Variants in CCDC102B observed in about 807,000 individuals in gnomAD.
CCDC102B encodes the protein coiled-coil domain containing 102B.
Under a neutral mutation model 57.4 loss-of-function variants are expected in CCDC102B, and 75 were observed. The observed-to-expected ratio is 1.31, with a 90% confidence interval of 1.08 to 1.58. CCDC102B has a LOEUF of 1.58. CCDC102B is among the 40% of genes most tolerant of loss of function. The probability of loss-of-function intolerance (pLI) is 0.00; values close to 1 mark genes in which losing one functional copy is unlikely to be tolerated. For synonymous variants in CCDC102B, 206 were observed against 201.9 expected, an observed-to-expected ratio of 1.02 and a Z score of -0.17; for missense variants, 636 against 582.6, an observed-to-expected ratio of 1.09 and a Z score of -0.94.
chr18:68,936,263 G>T (rs1350806105), intron 6 of CCDC102B, among the ~76,000 whole-genome samples: 1 of 151,786 alleles, frequency 6.6e-6, no homozygotes, highest in Non-Finnish European at 1.5e-5. Flanking sequence ...GTTGTATAGC[G>T]GTTATTCAGC....
chr18:69,053,508 T>A (rs2145504562), intron 7 of CCDC102B, among the ~76,000 whole-genome samples: 1 of 151,786 alleles, frequency 6.6e-6, no homozygotes, highest in African/African-American at 2.4e-5. Context: ...ATTTCAGAGA[T>A]CATTTTGAGG....
At chr18:68,795,126 G>A (rs982410143), upstream of CCDC102B, among the ~76,000 whole-genome samples, 14 of 152,046 alleles carry the variant, frequency 9.2e-5, no homozygotes, top group East Asian at 1.9e-4. Context: ...ATGTAAAGAC[G>A]GGTTATTAAA....
rs201377204 is a variant in CCDC102B at position 68,918,998 on chromosome 18, CA to C, written c.1263+21571del. Among the ~76,000 whole-genome samples, 1,179 of 152,126 alleles carry C rather than the reference CA, an allele frequency of 7.8e-3. 3 individuals are homozygous for C. The highest frequency in any genetic ancestry group is 0.017 in the Middle Eastern group (5 of 294). On this transcript the variant is annotated intron_variant, in intron 6 of 7. Coordinates refer to ENST00000360242, the MANE Select transcript of CCDC102B (RefSeq NM_024781.3). The stretch of plus-strand genomic sequence containing the variant: ...GGAAAGAAGGGAATATACATTATCA[CA>C]TCTATGTGCACATGTGTTAAGACTA...
intron 7 of CCDC102B, among the ~76,000 whole-genome samples, chr18:69,018,643 G>GT (rs1271269716): frequency 6.6e-6 from 1 of 152,072 alleles, no homozygotes; most frequent in Non-Finnish European, 1.5e-5. Flanking sequence ...CTATTGAGCT[G>GT]TATGAATTTT....
At chr18:68,827,476 T>C (rs1333985489) in intron 1 of CCDC102B, among the ~76,000 whole-genome samples, 1 of 151,906 alleles carries the variant, frequency 6.6e-6, no homozygotes, top group Non-Finnish European at 1.5e-5. Context: ...TTAATAAGTA[T>C]GAAAACTGTA....
chr18:69,046,265 A>AT, intron 7 of CCDC102B, among the ~76,000 whole-genome samples: 1 of 152,204 alleles, frequency 6.6e-6, no homozygotes, highest in African/African-American at 2.4e-5. Flanking sequence ...AGCATCTATT[A>AT]TTTTTTGACT....
chr18:68,965,871 A>G (rs1380363739), intron 6 of CCDC102B, among the ~76,000 whole-genome samples: 1 of 152,092 alleles, frequency 6.6e-6, no homozygotes, highest in Non-Finnish European at 1.5e-5. Flanking sequence ...CAGTGGGTGA[A>G]GGAATATACC....
At chr18:68,934,286 A>C (rs913643003) in intron 6 of CCDC102B, among the ~76,000 whole-genome samples, 3 of 151,950 alleles carry the variant, frequency 2.0e-5, no homozygotes, top group African/African-American at 7.2e-5. Flanking sequence ...TTTTTTGACT[A>C]TCAGAAAATT....
At chr18:69,026,104 G>A (rs767423692) in intron 7 of CCDC102B, among the ~76,000 whole-genome samples, 49 of 152,230 alleles carry the variant, frequency 3.2e-4, no homozygotes, top group Non-Finnish European at 6.0e-4. Context: ...TTCTGCGGGG[G>A]AGAACGTGTG....
chr18:68,911,702 A>T (rs1298875787), intron 6 of CCDC102B, among the ~76,000 whole-genome samples: 1 of 128,120 alleles, frequency 7.8e-6, no homozygotes, highest in African/African-American at 3.2e-5. Context: ...CAGTGAGCCG[A>T]GATCGCGCCA....
chr18:69,019,059 A>G (rs2051752457), intron 7 of CCDC102B, among the ~76,000 whole-genome samples: 1 of 152,058 alleles, frequency 6.6e-6, no homozygotes, highest in Non-Finnish European at 1.5e-5. Context: ...TGATGGGTTC[A>G]TTTCTGGTTC....
chr18:68,738,110 T>G (rs1197384285), intron 2 of CCDC102B, among the ~76,000 whole-genome samples: 1 of 152,134 alleles, frequency 6.6e-6, no homozygotes, highest in Admixed American at 6.5e-5. Flanking sequence ...ACTCCCTGTA[T>G]CTACAAAGCC....
intron 6 of CCDC102B, among the ~76,000 whole-genome samples, chr18:68,969,545 A>G (rs2050249077): frequency 6.9e-6 from 1 of 145,768 alleles, no homozygotes; most frequent in East Asian, 2.0e-4. Context: ...GCAATTTGCT[A>G]TAGCAGACAT....
rs757363906 is a variant in CCDC102B, at chr18:68,897,439, T to G, written c.1263+11T>G. 1 of 1,609,394 alleles carries G rather than the reference T, an allele frequency of 6.2e-7. No homozygotes were observed. Among genetic ancestry groups the G allele is most frequent in the South Asian group, 1.1e-5 (1 of 90,706 alleles). On this transcript the variant is annotated intron_variant, in intron 6 of 7. Coordinates refer to ENST00000360242, the MANE Select transcript of CCDC102B (RefSeq NM_024781.3). Reference sequence around the variant, plus strand: ...CAAGAAAAAAACCAGGTATGGGTGCTCCTTGGAGCAAATTCTCACTGTCTA... The same window carrying G: ...CAAGAAAAAAACCAGGTATGGGTGCGCCTTGGAGCAAATTCTCACTGTCTA...
chr18:68,883,043 G>A (rs1418780357), intron 5 of CCDC102B, among the ~76,000 whole-genome samples: 1 of 152,166 alleles, frequency 6.6e-6, no homozygotes, highest in Non-Finnish European at 1.5e-5. Flanking sequence ...TAATACCTGA[G>A]TGATGAAATA....
chr18:68,970,070 G>A (rs1308514792), intron 6 of CCDC102B, among the ~76,000 whole-genome samples: 4 of 151,942 alleles, frequency 2.6e-5, no homozygotes, highest in African/African-American at 7.2e-5. Context: ...AAGAAATTTA[G>A]GTTCTTTTTA....
At chr18:68,963,803 ATATGTATG>A (rs527362804) in intron 6 of CCDC102B, among the ~76,000 whole-genome samples, 8 of 151,600 alleles carry the variant, frequency 5.3e-5, no homozygotes, top group East Asian at 3.9e-4. Flanking sequence ...ATATGTGTAT[ATATGTATG>A]TATGTATGTA....
At chr18:68,962,403 C>T (rs192474246) in intron 6 of CCDC102B, among the ~76,000 whole-genome samples, 1 of 152,142 alleles carries the variant, frequency 6.6e-6, no homozygotes, top group East Asian at 1.9e-4. Flanking sequence ...ATGTATATTT[C>T]CAGACAAATC....
chr18:68,819,249 T>C (rs954777000), intron 1 of CCDC102B, among the ~76,000 whole-genome samples: 1 of 152,152 alleles, frequency 6.6e-6, no homozygotes, highest in Non-Finnish European at 1.5e-5. Context: ...ACACTTTTAG[T>C]GAGCATTCTA....
Sources: allele counts gnomAD v4.1 joint callset (sites outside exome capture counted in the v4.1 genomes callset), GRCh38; gene constraint gnomAD v4.1.1; transcripts MANE v1.5; gene names NCBI Gene and HGNC (gene_info 2026-07-23, HGNC 2026-07-21).